The following RNF157 variants were observed in gnomAD, a reference collection of about 807,000 sequenced individuals.
RNF157 encodes ring finger protein 157.
In RNF157, 55 loss-of-function variants were observed where a neutral mutation model predicts 88.3. That is an observed-to-expected ratio of 0.62 (90% confidence interval 0.50 to 0.78). The LOEUF (loss-of-function observed/expected upper bound fraction) is 0.78, where lower values mean the gene tolerates loss of function less well. Among genes scored for constraint, RNF157 ranks in the 30% least tolerant of loss-of-function variants. RNF157 has a pLI of 0.00. For synonymous variants in RNF157, 334 were observed against 341.2 expected (o/e 0.98, Z 0.23); for missense variants, 788 against 860.8 (o/e 0.92, Z 1.06).
chr17:76,170,759 G>A (rs928470164), intron 3 of RNF157, among the ~76,000 whole-genome samples: 2 of 152,146 alleles, frequency 1.3e-5, no homozygotes, highest in African/African-American at 4.8e-5. Context: ...TCAGGATTCT[G>A]ATTTCCTGGG....
intron 14 of RNF157, 68 bp downstream of exon 14, chr17:76,156,142 G>T: frequency 8.1e-7 from 1 of 1,228,626 alleles, no homozygotes; most frequent in East Asian, 2.3e-5. Context: ...CTTCCCGGAA[G>T]AAGCACCAGG....
chr17:76,153,888 C>T (rs754708), intron 17 of RNF157: 56,800 of 177,164 alleles, frequency 0.32, 10,628 homozygotes, highest in African/African-American at 0.53. Flanking sequence ...TCCCCCTCCC[C>T]CCAGTGGAAG....
intron 2 of RNF157, among the ~76,000 whole-genome samples, chr17:76,194,797 C>G (rs370578047): frequency 2.0e-5 from 3 of 152,090 alleles, no homozygotes; most frequent in South Asian, 2.1e-4. Flanking sequence ...GGGCAGATCA[C>G]GAGGTCAGGA....
rs528840669 is a variant in RNF157, at chr17:76,167,718, T to C, written c.376A>G (p.Thr126Ala). The C allele has an allele frequency of 1.2e-6, 2 of 1,613,810 alleles. No homozygotes were observed. Among genetic ancestry groups the C allele is most frequent in the African/African-American group, 2.7e-5 (2 of 75,062 alleles). ...ATGGTGATGGCTACCCGAGCATCTGTGTCAAAGGTGAACTCAACATTGTAG... is the reference window on the plus strand; with the variant it reads ...ATGGTGATGGCTACCCGAGCATCTGCGTCAAAGGTGAACTCAACATTGTAG... ...VHYNVEFTFD[T>A]DARVAITIYY... Residue 126 changes from threonine to alanine, a missense_variant, in exon 4 of 19, where the codon ACA becomes GCA. By Grantham distance (58) the Thr-to-Ala change is moderately conservative (BLOSUM62 0). Transcript: ENST00000269391.
chr17:76,184,278 T>C (rs925588832), intron 2 of RNF157, among the ~76,000 whole-genome samples: 1 of 152,078 alleles, frequency 6.6e-6, no homozygotes, highest in Non-Finnish European at 1.5e-5. Context: ...ATAATTACTA[T>C]AGAAACCAAC....
chr17:76,164,757 C>T lies in RNF157; in HGVS notation c.711G>A (p.Gln237=), dbSNP rs777250877. The T allele has an allele frequency of 9.9e-6, 16 of 1,608,436 alleles. No individual in the cohort carries two copies. The highest frequency in any genetic ancestry group is 1.4e-5 in the Non-Finnish European group (16 of 1,175,142). Reference sequence around the variant, plus strand: ...GTCTTCAAATACTTACTACTTGTTTCTGTTTGAGGGGCTTGACACAGAAAG... The same window carrying T: ...GTCTTCAAATACTTACTACTTGTTTTTGTTTGAGGGGCTTGACACAGAAAG... ...DGTFCVKPLK[Q]KQVVDGVSYL... The change falls in exon 8 of 19, where the codon CAG becomes CAA. Residue 237 remains glutamine (Q), a synonymous_variant. Transcript: ENST00000269391.
chr17:76,198,561 T>C (rs1271680604), intron 2 of RNF157, among the ~76,000 whole-genome samples: 1 of 152,204 alleles, frequency 6.6e-6, no homozygotes, highest in Admixed American at 6.5e-5. Flanking sequence ...CCCACACTGG[T>C]TACCAGCATA....
chr17:76,206,009 T>C (rs896086599), intron 2 of RNF157, among the ~76,000 whole-genome samples: 1 of 152,142 alleles, frequency 6.6e-6, no homozygotes, highest in East Asian at 1.9e-4. Context: ...ACAGGAAGAC[T>C]ACTTGAGCAA....
intron 1 of RNF157, among the ~76,000 whole-genome samples, chr17:76,215,070 T>G (rs1452095857): frequency 1.3e-5 from 2 of 152,184 alleles, no homozygotes; most frequent in African/African-American, 4.8e-5. Flanking sequence ...AAGGAACTTA[T>G]TAAGTGGCAA....
At chr17:76,230,261 C>T (rs189954132) in intron 1 of RNF157, among the ~76,000 whole-genome samples, 42 of 152,290 alleles carry the variant, frequency 2.8e-4, no homozygotes, top group Admixed American at 2.7e-3. Context: ...TTCCCCGGAT[C>T]TTGAGGCAAA....
chr17:76,232,925 T>C (rs1394680112), intron 1 of RNF157, among the ~76,000 whole-genome samples: 2 of 134,988 alleles, frequency 1.5e-5, no homozygotes, highest in East Asian at 2.5e-4. Context: ...AAATCTCGCA[T>C]ATTTTTTTTT....
intron 6 of RNF157, among the ~76,000 whole-genome samples, chr17:76,166,188 TG>T (rs1310220606): frequency 6.6e-6 from 1 of 152,198 alleles, no homozygotes; most frequent in Non-Finnish European, 1.5e-5. Flanking sequence ...TTGCCTAGGC[TG>T]GTCTCGAACT....
In RNF157 at chr17:76,202,111, TTCTC is replaced by T. The variant is rs374396479; in HGVS notation, c.207+10249_207+10252del. Among the ~76,000 whole-genome samples the T allele has an allele frequency of 3.2e-3, 433 of 133,964 alleles. 2 individuals are homozygous for T. The highest frequency in any genetic ancestry group is 0.012 in the African/African-American group (391 of 32,376). The allele number at this position is 133,964 out of a possible 152,430, so 87.9% of individuals were successfully genotyped here. A position where few individuals can be genotyped will look rare whatever the true frequency, so the allele number is the denominator to read the frequency against. The stretch of plus-strand genomic sequence containing the variant: ...AAAAGGCAAATAACCCAATCTCAGT[TTCTC>T]TCTCTCTCTCTCTCACACACACACA... On this transcript the variant is annotated intron_variant, in intron 2 of 18. Coordinates refer to ENST00000269391, the MANE Select transcript of RNF157 (RefSeq NM_052916.3).
chr17:76,191,872 G>C (rs976133128), intron 2 of RNF157, among the ~76,000 whole-genome samples: 1 of 152,212 alleles, frequency 6.6e-6, no homozygotes, highest in Non-Finnish European at 1.5e-5. Flanking sequence ...GACCATCTTA[G>C]AGAATGAAGT....
chr17:76,215,967 G>A (rs749720446), intron 1 of RNF157, among the ~76,000 whole-genome samples: 8 of 152,146 alleles, frequency 5.3e-5, no homozygotes, highest in Non-Finnish European at 7.3e-5. Context: ...TTATGGAGAG[G>A]GGAGGTACCT....
At chr17:76,169,849 G>A (rs530194481) in intron 3 of RNF157, among the ~76,000 whole-genome samples, 3 of 152,334 alleles carry the variant, frequency 2.0e-5, no homozygotes, top group Admixed American at 6.5e-5. Context: ...CCAAAGTGCT[G>A]GGATTATAGG....
chr17:76,197,389 G>A (rs573469463), intron 2 of RNF157, among the ~76,000 whole-genome samples: 1 of 152,330 alleles, frequency 6.6e-6, no homozygotes, highest in Admixed American at 6.5e-5. Flanking sequence ...GAGCCTGGAT[G>A]TGGTGGCTCA....
intron 3 of RNF157, among the ~76,000 whole-genome samples, chr17:76,168,611 C>A (rs2068965354): frequency 6.6e-6 from 1 of 152,100 alleles, no homozygotes; most frequent in African/African-American, 2.4e-5. Flanking sequence ...CTGCACCTGG[C>A]TCCCAGTCGC....
At chr17:76,238,808 T>C (rs975640201) in intron 1 of RNF157, among the ~76,000 whole-genome samples, 1 of 152,276 alleles carries the variant, frequency 6.6e-6, no homozygotes, top group African/African-American at 2.4e-5. Flanking sequence ...GTTGATTTTA[T>C]GTAGTCATAA....
Sources: allele counts gnomAD v4.1 joint callset (sites outside exome capture counted in the v4.1 genomes callset), GRCh38; gene constraint gnomAD v4.1.1; transcripts MANE v1.5; gene names NCBI Gene and HGNC (gene_info 2026-07-23, HGNC 2026-07-21).